Variants in DRD3 observed in about 807,000 individuals in gnomAD.
DRD3 encodes dopamine receptor D3, also known as D(3) dopamine receptor.
Under a neutral mutation model 36.3 loss-of-function variants are expected in DRD3, and 19 were observed. The observed-to-expected ratio is 0.52, with a 90% confidence interval of 0.36 to 0.77. The LOEUF is 0.77. Among genes scored for constraint, DRD3 ranks in the 30% least tolerant of loss-of-function variants. DRD3 has a pLI of 0.00. For synonymous variants in DRD3, 195 were observed against 203.7 expected (o/e 0.96, Z 0.36); for missense variants, 465 against 505.3 (o/e 0.92, Z 0.77).
upstream of DRD3, among the ~76,000 whole-genome samples, chr3:114,179,960 A>AT (rs1379634460): frequency 9.9e-5 from 15 of 152,094 alleles, no homozygotes; most frequent in African/African-American, 3.1e-4. Flanking sequence ...GGCAGGTACT[A>AT]TTTTTTACCA....
chr3:114,178,576 T>G (rs1425411096), intron 1 of DRD3, 81 bp downstream of exon 1: 1 of 152,124 alleles, frequency 6.6e-6, no homozygotes, highest in Non-Finnish European at 1.5e-5. Context: ...TTTTTAGAGA[T>G]CCACAGAACC....
intron 1 of DRD3, among the ~76,000 whole-genome samples, chr3:114,189,125 A>G (rs1008544382): frequency 6.6e-6 from 1 of 152,192 alleles, no homozygotes; most frequent in Admixed American, 6.5e-5. Flanking sequence ...TACACATTTT[A>G]TATTATGGTT....
intron 2 of DRD3, among the ~76,000 whole-genome samples, chr3:114,164,372 T>C (rs1429199457): frequency 1.3e-5 from 2 of 151,858 alleles, no homozygotes; most frequent in Non-Finnish European, 2.9e-5. Flanking sequence ...TACTTGCTAA[T>C]GAATGTAAGT....
At chr3:114,189,432 T>C (rs1355042761) in intron 1 of DRD3, among the ~76,000 whole-genome samples, 1 of 152,220 alleles carries the variant, frequency 6.6e-6, no homozygotes, top group African/African-American at 2.4e-5. Flanking sequence ...TCAGTTCCCT[T>C]ATTTGGAAAA....
intron 1 of DRD3, among the ~76,000 whole-genome samples, chr3:114,191,399 C>T (rs2078010084): frequency 6.6e-6 from 1 of 152,090 alleles, no homozygotes; most frequent in Non-Finnish European, 1.5e-5. Flanking sequence ...TGCAGAGGCC[C>T]TGAGATGGGA....
chr3:114,154,991 C>G (rs79423463), intron 3 of DRD3, among the ~76,000 whole-genome samples: 1 of 152,230 alleles, frequency 6.6e-6, no homozygotes, highest in African/African-American at 2.4e-5. Context: ...AGCATCAGAG[C>G]TATGCCTAAG....
At chr3:114,135,985 G>A (rs567858453) in intron 5 of DRD3, among the ~76,000 whole-genome samples, 21 of 152,226 alleles carry the variant, frequency 1.4e-4, no homozygotes, top group African/African-American at 4.3e-4. Context: ...GCCACCACAC[G>A]CGGCCCCAAG....
chr3:114,197,693 CAA>C (rs2078044878), intron 1 of DRD3, among the ~76,000 whole-genome samples: 1 of 152,150 alleles, frequency 6.6e-6, no homozygotes, highest in Non-Finnish European at 1.5e-5. Context: ...CTTTTGTTGG[CAA>C]AGTTATTCTT....
Position 114,147,506 on chromosome 3 carries a change from G to A in DRD3, c.435C>T (p.Ser145=), listed in dbSNP as rs1170728532. Reference sequence around the variant, plus strand: ...TCATGAGGGCCACGCGCCGACAGGAGCTCTGTCCCGTGCCATGCTGGTAGT... The same window carrying A: ...TCATGAGGGCCACGCGCCGACAGGAACTCTGTCCCGTGCCATGCTGGTAGT... ...PVHYQHGTGQ[S]SCRRVALMIT... is the part of the protein sequence containing the mutation. The change falls in exon 4 of 7, where the codon AGC becomes AGT. Residue 145 remains serine, a synonymous_variant. Coordinates refer to ENST00000383673, the MANE Select transcript of DRD3 (RefSeq NM_000796.6). The A allele has an allele frequency of 1.2e-6, 2 of 1,614,156 alleles. No individual in the cohort carries two copies. Among genetic ancestry groups the A allele is most frequent in the East Asian group, 2.2e-5 (1 of 44,872 alleles).
At chr3:114,178,143 A>G (rs1046318065) in intron 1 of DRD3, among the ~76,000 whole-genome samples, 1 of 152,186 alleles carries the variant, frequency 6.6e-6, no homozygotes, top group Admixed American at 6.5e-5. Flanking sequence ...AAGGAAACAT[A>G]CACAATCATC....
chr3:114,129,345 A>G (rs148079155), intron 6 of DRD3, among the ~76,000 whole-genome samples: 195 of 121,242 alleles, frequency 1.6e-3, no homozygotes, highest in African/African-American at 4.9e-3. Context: ...TCCATCTCAA[A>G]AAAAACAAAA....
At chr3:114,169,344 G>T (rs576793377) in intron 2 of DRD3, among the ~76,000 whole-genome samples, 17 of 148,760 alleles carry the variant, frequency 1.1e-4, no homozygotes, top group African/African-American at 3.7e-4. Flanking sequence ...TTACCAACTC[G>T]CTTCAAGACA....
upstream of DRD3, among the ~76,000 whole-genome samples, chr3:114,180,848 A>G (rs544212073): frequency 7.2e-5 from 11 of 152,236 alleles, no homozygotes; most frequent in South Asian, 4.1e-4. Flanking sequence ...CACTGCTAAA[A>G]CTTGGCTTGT....
intron 1 of DRD3, among the ~76,000 whole-genome samples, chr3:114,194,127 C>T (rs2078025193): frequency 6.6e-6 from 1 of 152,188 alleles, no homozygotes; most frequent in South Asian, 2.1e-4. Context: ...TAAATGATAT[C>T]CCCAAATAAC....
rs1027536311 is a variant in DRD3 at position 114,196,261 on chromosome 3, C to T, written c.-156+3012G>A. ...AATAAAGCAGCTATGAACATACATA[C>T]ACAAATCTTTGTATGGATATATGCT... On this transcript the variant is annotated intron_variant, in intron 1 of 7. Coordinates refer to the DRD3 transcript ENST00000460779. 2.6e-5 allele frequency among the ~76,000 whole-genome samples: 4 copies of T among 152,124 alleles called. No individual in the cohort carries two copies. In the South Asian group the frequency reaches 8.3e-4, roughly 31 times the overall value.
At chr3:114,197,134 T>G (rs2078041250) in intron 1 of DRD3, among the ~76,000 whole-genome samples, 1 of 150,998 alleles carries the variant, frequency 6.6e-6, no homozygotes, top group Non-Finnish European at 1.5e-5. Flanking sequence ...TTTTTTTAAG[T>G]CAAGATCTTG....
intron 1 of DRD3, among the ~76,000 whole-genome samples, chr3:114,178,124 C>T (rs890656761): frequency 2.0e-5 from 3 of 152,122 alleles, no homozygotes; most frequent in African/African-American, 7.2e-5. Flanking sequence ...AAATCATATA[C>T]CATCATCAAA....
chr3:114,153,731 T>A (rs777527072), intron 3 of DRD3, among the ~76,000 whole-genome samples: 3 of 152,202 alleles, frequency 2.0e-5, no homozygotes, highest in Non-Finnish European at 4.4e-5. Flanking sequence ...GGGAGTGTGC[T>A]GTAATAGACA....
At chr3:114,138,520 C>G (rs140248023) in intron 5 of DRD3, among the ~76,000 whole-genome samples, 199 of 152,222 alleles carry the variant, frequency 1.3e-3, no homozygotes, top group African/African-American at 4.2e-3. Flanking sequence ...ATCATGAGAA[C>G]AGCAAGGGAA....
Sources: gnomAD v4.1 joint callset for allele counts (sites outside exome capture counted in the v4.1 genomes callset) on GRCh38, gnomAD v4.1.1 for gene constraint, MANE v1.5 for transcripts, NCBI Gene and HGNC (gene_info 2026-07-23, HGNC 2026-07-21) for gene names.